Variants in MKX observed in about 807,000 individuals in gnomAD.
MKX encodes mohawk homeobox, also known as homeobox protein Mohawk.
A neutral mutation model predicts 36.0 loss-of-function variants in MKX; 13 were observed. The ratio of observed to expected loss-of-function variants is 0.36; its 90% CI spans 0.24 to 0.57. The LOEUF (loss-of-function observed/expected upper bound fraction) is 0.57. Ranked by LOEUF, MKX falls within the 20% of genes least tolerant of loss-of-function variation. The probability of loss-of-function intolerance (pLI) is 0.79; values close to 1 mark genes in which losing one functional copy is unlikely to be tolerated. For synonymous variants in MKX, 176 were observed against 178.3 expected, an observed-to-expected ratio of 0.99 and a Z score of 0.10; for missense variants, 458 against 456.4, an observed-to-expected ratio of 1.00 and a Z score of -0.03.
At chr10:27,676,201 G>T (rs764507460) in intron 5 of MKX, among the ~76,000 whole-genome samples, 2 of 151,732 alleles carry the variant, frequency 1.3e-5, no homozygotes, top group Non-Finnish European at 2.9e-5. Context: ...TTGAGCCCAG[G>T]GGGGTGAAGG....
intron 5 of MKX, among the ~76,000 whole-genome samples, chr10:27,733,721 CT>C (rs1172024001): frequency 6.6e-6 from 1 of 152,222 alleles, no homozygotes; most frequent in Non-Finnish European, 1.5e-5. Flanking sequence ...ACCTCATACA[CT>C]TCTTAAGAGC....
chr10:27,697,182 C>T (rs372717821), intron 5 of MKX, among the ~76,000 whole-genome samples: 28 of 152,282 alleles, frequency 1.8e-4, no homozygotes, highest in Admixed American at 9.8e-4. Flanking sequence ...GAAGAATATT[C>T]AATTTTCCTT....
At chr10:27,711,499 T>TCTTCC (rs1554772224) in intron 5 of MKX, among the ~76,000 whole-genome samples, 26 of 93,076 alleles carry the variant, frequency 2.8e-4, no homozygotes, top group African/African-American at 1.1e-3. Context: ...CTCTCTCTTC[T>TCTTCC]TTCCTTCCTT....
intron 5 of MKX, among the ~76,000 whole-genome samples, chr10:27,729,123 T>C (rs1296281412): frequency 6.6e-6 from 1 of 152,232 alleles, no homozygotes; most frequent in Non-Finnish European, 1.5e-5. Context: ...AACACTCCTA[T>C]CTGCCTAGAT....
intron 5 of MKX, among the ~76,000 whole-genome samples, chr10:27,690,085 C>A (rs750048008): frequency 2.4e-4 from 37 of 152,126 alleles, no homozygotes; most frequent in Middle Eastern, 3.2e-3. Flanking sequence ...TTAAACCTAA[C>A]AAGTCAGCCG....
intron 5 of MKX, among the ~76,000 whole-genome samples, chr10:27,728,777 G>C (rs562176345): frequency 6.6e-6 from 1 of 152,298 alleles, no homozygotes; most frequent in South Asian, 2.1e-4. Context: ...CAGTGTGCAG[G>C]AAGAGAGAGA....
chr10:27,728,327 C>T (rs758468333), intron 5 of MKX, among the ~76,000 whole-genome samples: 2 of 152,156 alleles, frequency 1.3e-5, no homozygotes, highest in African/African-American at 2.4e-5. Flanking sequence ...TTGATGCCGC[C>T]GTAAGACTTT....
At chr10:27,740,652 A>C (rs1250520488) in intron 3 of MKX, among the ~76,000 whole-genome samples, 2 of 152,218 alleles carry the variant, frequency 1.3e-5, no homozygotes, top group Non-Finnish European at 2.9e-5. Flanking sequence ...ATTTCTCTAC[A>C]CTTGGCAAAG....
intron 3 of MKX, among the ~76,000 whole-genome samples, chr10:27,739,416 T>G (rs1425761785): frequency 2.6e-5 from 4 of 152,256 alleles, no homozygotes; most frequent in African/African-American, 9.6e-5. Context: ...CACTTAAAAT[T>G]ACATATTTCT....
intron 5 of MKX, among the ~76,000 whole-genome samples, chr10:27,677,873 CAGTT>C (rs1162930075): frequency 6.6e-6 from 1 of 152,192 alleles, no homozygotes; most frequent in Non-Finnish European, 1.5e-5. Context: ...GATCTGTGAA[CAGTT>C]AGATCGTTAC....
In MKX at chr10:27,743,132, T is replaced by A. The variant is rs1465992393; in HGVS notation, c.188+96A>T. On this transcript the variant is annotated intron_variant, in intron 2 of 6. Transcript: ENST00000419761. ...CCAGGGAACTCCGGGCCCTTTCCCG[T>A]CCACCCGCCCGCGTTGCCACGGGAC... 17 of 1,244,964 alleles carry A rather than the reference T, an allele frequency of 1.4e-5. No homozygotes were observed. In the South Asian group the frequency reaches 3.2e-4, roughly 24 times the overall value. 77.1% of individuals were successfully genotyped at this position (1,244,964 alleles called of 1,614,324 possible).
intron 3 of MKX, 103 bp from the exon 4 acceptor site, chr10:27,735,477 TTAAA>T: frequency 1.2e-6 from 1 of 849,124 alleles, no homozygotes; most frequent in Non-Finnish European, 1.8e-6. Context: ...CCTCTGATCA[TTAAA>T]TATTCTCAGG....
intron 5 of MKX, among the ~76,000 whole-genome samples, chr10:27,679,591 C>T (rs1330327379): frequency 6.6e-6 from 1 of 152,190 alleles, no homozygotes; most frequent in African/African-American, 2.4e-5. Flanking sequence ...AAAAGGAAGA[C>T]AGCAAACAGA....
At chr10:27,725,507 G>A (rs996665575) in intron 5 of MKX, among the ~76,000 whole-genome samples, 1 of 151,734 alleles carries the variant, frequency 6.6e-6, no homozygotes, top group East Asian at 1.9e-4. Flanking sequence ...AAGAAACCAG[G>A]CTTCCAAAAT....
chr10:27,707,184 A>T (rs147051919), intron 5 of MKX, among the ~76,000 whole-genome samples: 2,152 of 148,272 alleles, frequency 0.015, 43 homozygotes, highest in South Asian at 0.027. Flanking sequence ...CCAGGGGGTT[A>T]AAAAAGTGGG....
Position 27,675,191 on chromosome 10 carries a change from G to T in MKX, c.*38C>A. 1 of 1,591,542 alleles carries T rather than the reference G, an allele frequency of 6.3e-7. No individual in the cohort carries two copies. Among genetic ancestry groups the T allele is most frequent in the Non-Finnish European group, 8.6e-7 (1 of 1,166,520 alleles). On this transcript the variant is annotated 3_prime_UTR_variant, in exon 7 of 7. Transcript: ENST00000419761. ...TAGGATGAGGGTTGATGAAAACACCGGAAAGAACATCCATTGGATCTGAAA... is the reference window on the plus strand; with the variant it reads ...TAGGATGAGGGTTGATGAAAACACCTGAAAGAACATCCATTGGATCTGAAA...
intron 5 of MKX, among the ~76,000 whole-genome samples, chr10:27,719,535 T>A (rs539746650): frequency 1.3e-5 from 2 of 152,170 alleles, no homozygotes; most frequent in East Asian, 3.9e-4. Flanking sequence ...AGAAAAGGCT[T>A]TAAGGCCATT....
At chr10:27,721,284 T>G (rs947091331) in intron 5 of MKX, among the ~76,000 whole-genome samples, 3 of 151,142 alleles carry the variant, frequency 2.0e-5, no homozygotes, top group African/African-American at 7.3e-5. Context: ...GAAGTAGACA[T>G]ACCCTGTCAT....
chr10:27,686,814 C>A (rs1303785579), intron 5 of MKX, among the ~76,000 whole-genome samples: 1 of 152,074 alleles, frequency 6.6e-6, no homozygotes, highest in Non-Finnish European at 1.5e-5. Flanking sequence ...TTGCTTCCAG[C>A]CATGACTTCC....
Sources: gnomAD v4.1 joint callset for allele counts (sites outside exome capture counted in the v4.1 genomes callset) on GRCh38, gnomAD v4.1.1 for gene constraint, MANE v1.5 for transcripts, NCBI Gene and HGNC (gene_info 2026-07-23, HGNC 2026-07-21) for gene names.